The following MMRN1 variants were observed in gnomAD, a reference collection of about 807,000 sequenced individuals.
The protein encoded by MMRN1 is multimerin-1.
Under a neutral mutation model 100.7 loss-of-function variants are expected in MMRN1, and 94 were observed. The ratio of observed to expected loss-of-function variants is 0.93; its 90% CI spans 0.79 to 1.11. MMRN1 has a LOEUF of 1.11. MMRN1 is among the 50% of genes least tolerant of loss of function. MMRN1 has a pLI of 0.00. For synonymous variants in MMRN1, 575 were observed against 505.0 expected (o/e 1.14, Z -1.86); for missense variants, 1,606 against 1,439.1 (o/e 1.12, Z -1.88).
At chr4:89,905,415 T>C (rs1331262172) in intron 1 of MMRN1, among the ~76,000 whole-genome samples, 1 of 151,484 alleles carries the variant, frequency 6.6e-6, no homozygotes, top group Non-Finnish European at 1.5e-5. Context: ...GAGACTTAGT[T>C]CTTCCCCTGA....
chr4:89,894,316 A>G (rs1721121955), upstream of MMRN1, among the ~76,000 whole-genome samples: 1 of 152,166 alleles, frequency 6.6e-6, no homozygotes, highest in South Asian at 2.1e-4. Flanking sequence ...AAGTAATGAT[A>G]CAGCTGAAGT....
intron 1 of MMRN1, among the ~76,000 whole-genome samples, chr4:89,903,870 C>T (rs1315769195): frequency 6.7e-6 from 1 of 149,378 alleles, no homozygotes; most frequent in Non-Finnish European, 1.5e-5. Context: ...CTGCCCCCAC[C>T]CCTCACCCTT....
chr4:89,954,120 T>A lies in MMRN1; in HGVS notation c.*702T>A, dbSNP rs1723275130. ...CAACATCTATAAGGGGCAAAAAGTCTTTTTCTAATAAGTATTCTTCTATGG... is the reference window on the plus strand; with the variant it reads ...CAACATCTATAAGGGGCAAAAAGTCATTTTCTAATAAGTATTCTTCTATGG... On this transcript the variant is annotated 3_prime_UTR_variant, in exon 8 of 8. Transcript: ENST00000264790. 6.6e-6 allele frequency: 1 copy of A among 152,204 alleles called. No homozygotes were observed. The highest frequency in any genetic ancestry group is 6.6e-5 in the Admixed American group (1 of 15,252). 9.4% of individuals were successfully genotyped at this position (152,204 alleles called of 1,614,324 possible).
chr4:89,908,791 T>C (rs1050277038), intron 1 of MMRN1, among the ~76,000 whole-genome samples: 1 of 151,496 alleles, frequency 6.6e-6, no homozygotes, highest in Non-Finnish European at 1.5e-5. Context: ...AATCGGCATC[T>C]AGACCATTTT....
chr4:89,902,914 G>A (rs1201781696), intron 1 of MMRN1, among the ~76,000 whole-genome samples: 1 of 151,638 alleles, frequency 6.6e-6, no homozygotes, highest in Non-Finnish European at 1.5e-5. Context: ...TTTTGTAAAA[G>A]GATTAAGCAT....
chr4:89,947,019 C>G (rs1723008078), intron 6 of MMRN1, among the ~76,000 whole-genome samples: 1 of 152,116 alleles, frequency 6.6e-6, no homozygotes, highest in African/African-American at 2.4e-5. Flanking sequence ...CACAGTGGCT[C>G]ACACTGTAAT....
intron 6 of MMRN1, among the ~76,000 whole-genome samples, chr4:89,948,121 G>A (rs569704069): frequency 1.3e-5 from 2 of 152,290 alleles, no homozygotes; most frequent in South Asian, 2.1e-4. Context: ...CAAAGTGCTA[G>A]GATTACAGGC....
intron 6 of MMRN1, among the ~76,000 whole-genome samples, chr4:89,938,041 A>G (rs1212604216): frequency 6.6e-6 from 1 of 152,048 alleles, no homozygotes; most frequent in African/African-American, 2.4e-5. Flanking sequence ...GTTAAATTAT[A>G]GCCCATTTGT....
At chr4:89,933,989 A>G (rs1722524910) in intron 5 of MMRN1, among the ~76,000 whole-genome samples, 1 of 152,038 alleles carries the variant, frequency 6.6e-6, no homozygotes, top group Non-Finnish European at 1.5e-5. Flanking sequence ...ATGAATATTA[A>G]TAGTTGTGAA....
At position 89,934,917 on chromosome 4, in the gene MMRN1, G is replaced by A; in HGVS notation, c.1237G>A (p.Val413Ile). 3.1e-6 allele frequency: 5 copies of A among 1,613,396 alleles called. No homozygotes were observed. The highest frequency in any genetic ancestry group is 4.2e-6 in the Non-Finnish European group (5 of 1,179,562). The change falls in exon 6 of 8, where the codon GTA (valine) becomes ATA (isoleucine). Residue 413 changes from valine to isoleucine, a missense_variant. Transcript: ENST00000264790. The part of the protein sequence containing the change: ...QETVAQLFKT[V>I]SSLSEDLEST... ...GACTGTAGCACAGCTCTTCAAGACT[G>A]TATCAAGTCTATCAGAGGACCTCGA...
At chr4:89,947,381 A>G (rs1025610508) in intron 6 of MMRN1, among the ~76,000 whole-genome samples, 1 of 152,242 alleles carries the variant, frequency 6.6e-6, no homozygotes, top group Non-Finnish European at 1.5e-5. Context: ...GAAACTGGGA[A>G]GAAGGTTGAA....
chr4:89,929,720 T>C (rs1722377468), intron 5 of MMRN1, among the ~76,000 whole-genome samples: 1 of 152,118 alleles, frequency 6.6e-6, no homozygotes, highest in Non-Finnish European at 1.5e-5. Flanking sequence ...AGGAATTAAT[T>C]GTGTACTGAG....
rs773663271 is a variant in MMRN1 at position 89,895,509 on chromosome 4, C to G, written c.538C>G (p.Arg180Gly). 3 of 1,613,724 alleles carry G rather than the reference C, an allele frequency of 1.9e-6. No individual in the cohort carries two copies. Among genetic ancestry groups the G allele is most frequent in the Non-Finnish European group, 2.5e-6 (3 of 1,179,876 alleles). Residue 180 changes from arginine (R) to glycine (G), a missense_variant, in exon 1 of 8, where the codon CGG becomes GGG. Transcript: ENST00000264790. Reference sequence around the variant, plus strand: ...TGGAGGCGTGGGAAATCGAGCCCCACGGGAAACATACCTCAGCCGGGGTGA... The same window carrying G: ...TGGAGGCGTGGGAAATCGAGCCCCAGGGGAAACATACCTCAGCCGGGGTGA... Reference protein sequence around the residue: ...GTGGVGNRAPRETYLSRGDSS... With the variant: ...GTGGVGNRAPGETYLSRGDSS...
At chr4:89,912,173 T>C in intron 3 of MMRN1, 123 bp downstream of exon 3, 3 of 555,292 alleles carry the variant, frequency 5.4e-6, no homozygotes, top group Non-Finnish European at 8.8e-6. Context: ...CCTAGGACTG[T>C]TATACTTTCT....
chr4:89,916,334 T>A (rs187758483), intron 3 of MMRN1, among the ~76,000 whole-genome samples: 23 of 149,306 alleles, frequency 1.5e-4, no homozygotes, highest in Non-Finnish European at 2.8e-4. Context: ...TTTCTTTTAT[T>A]CAGGAGTACA....
In MMRN1 at chr4:89,935,209, T is replaced by G; in HGVS notation, c.1529T>G (p.Leu510Arg). 1 of 1,613,430 alleles carries G rather than the reference T, an allele frequency of 6.2e-7. No homozygotes were observed. The highest frequency in any genetic ancestry group is 8.5e-7 in the Non-Finnish European group (1 of 1,179,712). The change falls in exon 6 of 8, where the codon CTT (leucine) becomes CGT (arginine). Residue 510 changes from leucine (L) to arginine (R), a missense_variant. By Grantham distance (102) the Leu-to-Arg change is moderately radical. Transcript: ENST00000264790. ...TATTATGAATCCCTCAATAAAACTCTTTCTAAATTGAAGGAAGTACATGAG... is the reference window on the plus strand; with the variant it reads ...TATTATGAATCCCTCAATAAAACTCGTTCTAAATTGAAGGAAGTACATGAG... ...ILYYESLNKTLSKLKEVHEQL... is the reference protein window; with the variant it reads ...ILYYESLNKTRSKLKEVHEQL...
chr4:89,879,545 G>A lies in MMRN1; in HGVS notation c.-306G>A, dbSNP rs1273515682. On this transcript the variant is annotated 5_prime_UTR_variant, in exon 1 of 9. Transcript: ENST00000394980. ...GAGACAGCCTACAGAGAGGCCAAGA[G>A]GTTTCTGCTTCTATTGATGTTAGCA... 5 of 152,252 alleles carry A rather than the reference G, an allele frequency of 3.3e-5. No individual in the cohort carries two copies. In the East Asian group the frequency reaches 9.6e-4, roughly 29 times the overall value. The allele number at this position is 152,252 out of a possible 1,614,324, so 9.4% of individuals were successfully genotyped here.
intron 1 of MMRN1, among the ~76,000 whole-genome samples, chr4:89,881,706 C>T (rs1720820266): frequency 6.6e-6 from 1 of 151,736 alleles, no homozygotes; most frequent in Non-Finnish European, 1.5e-5. Context: ...AGTATTGATT[C>T]ATATTTTTGC....
In MMRN1 at chr4:89,935,253, C is replaced by G. The variant is rs1490117093; in HGVS notation, c.1573C>G (p.Gln525Glu). ...ACATGAGCAGCTTTTATCAACTGAACAGGTATCAGACCAGAAGAATGCTCC... is the reference window on the plus strand; with the variant it reads ...ACATGAGCAGCTTTTATCAACTGAAGAGGTATCAGACCAGAAGAATGCTCC... ...EVHEQLLSTEQVSDQKNAPAA... is the reference protein window; with the variant it reads ...EVHEQLLSTEEVSDQKNAPAA... Residue 525 changes from glutamine to glutamate, a missense_variant, in exon 6 of 8, where the codon CAG (glutamine) becomes GAG (glutamate). Gln to Glu is a conservative substitution (Grantham distance 29). Coordinates refer to ENST00000264790, the MANE Select transcript of MMRN1 (RefSeq NM_007351.3). 6.2e-7 allele frequency: 1 copy of G among 1,613,700 alleles called. No homozygotes were observed.
Sources: allele counts gnomAD v4.1 joint callset (sites outside exome capture counted in the v4.1 genomes callset), GRCh38; gene constraint gnomAD v4.1.1; transcripts MANE v1.5; gene names NCBI Gene and HGNC (gene_info 2026-07-23, HGNC 2026-07-21).